The following ERC1 variants were observed in gnomAD, a reference collection of about 807,000 sequenced individuals.
ERC1 encodes RAB6 interacting protein 2.
ERC1 carries 56 observed loss-of-function variants against 132.0 expected under a neutral mutation model. That is an observed-to-expected ratio of 0.42 (90% confidence interval 0.34 to 0.53). The LOEUF (loss-of-function observed/expected upper bound fraction) is 0.53, where lower values mean the gene tolerates loss of function less well. Among genes scored for constraint, ERC1 ranks in the 20% least tolerant of loss-of-function variants. The pLI is 0.03. For missense variants in ERC1, 1,202 were observed against 1,349.9 expected, an observed-to-expected ratio of 0.89 and a Z score of 1.72; for synonymous variants, 478 against 476.1, an observed-to-expected ratio of 1.00 and a Z score of -0.05.
intron 14 of ERC1, among the ~76,000 whole-genome samples, chr12:1,283,168 G>A (rs1490309704): frequency 6.6e-6 from 1 of 152,074 alleles, no homozygotes; most frequent in African/African-American, 2.4e-5. Context: ...CAAACCATCT[G>A]GTCCTGCTGG....
intron 14 of ERC1, among the ~76,000 whole-genome samples, chr12:1,276,713 G>A (rs60359497): frequency 0.031 from 4,699 of 152,118 alleles, 242 homozygotes; most frequent in African/African-American, 0.11. Flanking sequence ...TATCCTCAGC[G>A]TCTACCATTG....
At chr12:1,215,995 A>G (rs528038269) in intron 12 of ERC1, among the ~76,000 whole-genome samples, 1 of 152,372 alleles carries the variant, frequency 6.6e-6, no homozygotes, top group African/African-American at 2.4e-5. Flanking sequence ...ACATAAAACC[A>G]GAATCTTATT....
intron 15 of ERC1, among the ~76,000 whole-genome samples, chr12:1,351,550 C>T (rs889592592): frequency 2.0e-5 from 3 of 152,104 alleles, no homozygotes; most frequent in Admixed American, 6.6e-5. Context: ...TTCCTGATTA[C>T]GTATGATGTG....
intron 8 of ERC1, 129 bp from the exon 9 acceptor site, chr12:1,180,411 T>C: frequency 1.3e-6 from 1 of 767,342 alleles, no homozygotes; most frequent in Non-Finnish European, 2.0e-6. Context: ...TAGGATTAAA[T>C]GATTTCTACA....
chr12:1,204,365 T>G, intron 12 of ERC1: 1 of 607,258 alleles, frequency 1.6e-6, no homozygotes, highest in Non-Finnish European at 2.8e-6. Flanking sequence ...AGTGACTGTA[T>G]AGAATTTGTG....
At chr12:992,467 A>G (rs1592533959) in intron 1 of ERC1, among the ~76,000 whole-genome samples, 3 of 152,328 alleles carry the variant, frequency 2.0e-5, no homozygotes, top group South Asian at 2.1e-4. Context: ...TAAATTGTTG[A>G]AATTTTATTT....
chr12:1,289,379 G>T (rs1010993929), intron 14 of ERC1, among the ~76,000 whole-genome samples: 13 of 151,792 alleles, frequency 8.6e-5, no homozygotes, highest in African/African-American at 2.2e-4. Context: ...TCTTCTTAAT[G>T]ATGTAAATAG....
intron 12 of ERC1, among the ~76,000 whole-genome samples, chr12:1,227,659 A>C (rs1409482262): frequency 1.3e-5 from 2 of 152,162 alleles, no homozygotes; most frequent in African/African-American, 4.8e-5. Flanking sequence ...AGTTTGACGC[A>C]GTCCCATTTG....
At chr12:1,274,612 C>T (rs532562595) in intron 14 of ERC1, among the ~76,000 whole-genome samples, 1 of 152,040 alleles carries the variant, frequency 6.6e-6, no homozygotes. Context: ...TCTGCTTCAG[C>T]CTCCCAGGTA....
chr12:1,027,722 T>G (rs1204766036), intron 1 of ERC1, 26 bp from the exon 2 acceptor site: 2 of 572,638 alleles, frequency 3.5e-6, no homozygotes, highest in Non-Finnish European at 6.2e-6. Context: ...TATTGGAGGA[T>G]TTAATGTGTG....
intron 2 of ERC1, among the ~76,000 whole-genome samples, chr12:1,056,895 C>T (rs969865694): frequency 2.2e-4 from 33 of 152,098 alleles, no homozygotes; most frequent in African/African-American, 7.2e-4. Flanking sequence ...GGGGAAATTA[C>T]GCCGAGGACT....
In ERC1 at chr12:1,472,054, T is replaced by C. The variant is rs531897163; in HGVS notation, c.3214-18039T>C. 1.3e-4 allele frequency among the ~76,000 whole-genome samples: 20 copies of C among 152,362 alleles called. 1 individual carries two copies. Among genetic ancestry groups the C allele is most frequent in the African/African-American group, 4.8e-4 (20 of 41,580 alleles). On this transcript the variant is annotated intron_variant, in intron 18 of 18. Transcript: ENST00000360905. ...TAGCTCCCTTCCGGGCTGATGAGTC[T>C]AAATTTCAGAATTGGCCTGTTTTGG...
chr12:1,011,460 C>G (rs1964673105), intron 1 of ERC1, among the ~76,000 whole-genome samples: 1 of 152,164 alleles, frequency 6.6e-6, no homozygotes, highest in Admixed American at 6.5e-5. Flanking sequence ...TCTACCTTGG[C>G]CTCCCAAAGT....
At chr12:1,190,088 A>G in intron 12 of ERC1, 36 bp downstream of exon 12, 1 of 1,549,542 alleles carries the variant, frequency 6.5e-7, no homozygotes, top group Non-Finnish European at 8.9e-7. Context: ...TTATGAGGTT[A>G]AAGTATGGTT....
intron 3 of ERC1, among the ~76,000 whole-genome samples, chr12:1,093,981 A>ATT (rs1334718241): frequency 2.3e-4 from 30 of 131,980 alleles, no homozygotes; most frequent in African/African-American, 7.3e-4. Context: ...ATATATATAT[A>ATT]TATAGAAAAA....
chr12:1,038,539 T>G (rs1376907040), intron 2 of ERC1, among the ~76,000 whole-genome samples: 1 of 152,046 alleles, frequency 6.6e-6, no homozygotes, highest in Non-Finnish European at 1.5e-5. Flanking sequence ...TTTTGTATTT[T>G]TAGTAGAGAC....
intron 16 of ERC1, among the ~76,000 whole-genome samples, chr12:1,394,016 A>C (rs1391229934): frequency 5.0e-5 from 4 of 79,992 alleles, no homozygotes; most frequent in African/African-American, 1.8e-4. Context: ...ACTCCGTCTC[A>C]AAAAAAAAAA....
At chr12:1,001,433 C>T (rs1209892374) in intron 1 of ERC1, among the ~76,000 whole-genome samples, 3 of 152,206 alleles carry the variant, frequency 2.0e-5, no homozygotes, top group African/African-American at 7.2e-5. Flanking sequence ...ATTTATGAAT[C>T]AGACACTTGT....
At chr12:1,123,262 C>T (rs572476781) in intron 7 of ERC1, among the ~76,000 whole-genome samples, 11 of 151,902 alleles carry the variant, frequency 7.2e-5, no homozygotes, top group African/African-American at 2.4e-4. Flanking sequence ...AGTTTCAAAC[C>T]GTCAGAGTAA....
Sources: gnomAD v4.1 joint callset for allele counts (sites outside exome capture counted in the v4.1 genomes callset) on GRCh38, gnomAD v4.1.1 for gene constraint, MANE v1.5 for transcripts, NCBI Gene and HGNC (gene_info 2026-07-23, HGNC 2026-07-21) for gene names.